PRH1: variants seen among roughly 807,000 people sequenced by gnomAD.
PRH1 encodes the protein salivary acidic proline-rich phosphoprotein 1/2.
In PRH1, 7 loss-of-function variants were observed where a neutral mutation model predicts 7.9. The observed-to-expected ratio is 0.89, with a 90% CI of 0.50 to 1.67. The LOEUF (loss-of-function observed/expected upper bound fraction) is 1.67. Among genes scored for constraint, PRH1 ranks in the 40% most tolerant of loss-of-function variants. The pLI, the probability that PRH1 is intolerant of heterozygous loss-of-function variation, is 0.00. For missense variants in PRH1, 109 were observed against 223.6 expected, an observed-to-expected ratio of 0.49 and a Z score of 3.27; for synonymous variants, 45 against 80.8, an observed-to-expected ratio of 0.56 and a Z score of 2.38.
intron 1 of PRH1, among the ~76,000 whole-genome samples, chr12:11,059,922 G>T (rs937799881): frequency 1.3e-5 from 2 of 151,958 alleles, no homozygotes; most frequent in South Asian, 4.1e-4. Flanking sequence ...TGGGTTCTAG[G>T]TCCTGGGAGT....
At chr12:11,025,697 ACC>A (rs1227324046) in intron 1 of PRH1, among the ~76,000 whole-genome samples, 4 of 152,274 alleles carry the variant, frequency 2.6e-5, no homozygotes, top group Non-Finnish European at 4.4e-5. Flanking sequence ...TCAATGTGTT[ACC>A]CTCTAGCTCT....
At chr12:11,044,055 G>A (rs1028761414) in intron 1 of PRH1, among the ~76,000 whole-genome samples, 17 of 152,054 alleles carry the variant, frequency 1.1e-4, no homozygotes, top group African/African-American at 4.1e-4. Flanking sequence ...TACAGAGGCT[G>A]TAGTAACCAA....
intron 2 of PRH1, among the ~76,000 whole-genome samples, chr12:10,934,883 T>A (rs1364132701): frequency 6.6e-6 from 1 of 152,194 alleles, no homozygotes; most frequent in Non-Finnish European, 1.5e-5. Flanking sequence ...CTCTTCACAA[T>A]TTGCTTATTA....
chr12:11,017,049 A>G (rs1446338696), intron 1 of PRH1, among the ~76,000 whole-genome samples: 1 of 152,232 alleles, frequency 6.6e-6, no homozygotes, highest in African/African-American at 2.4e-5. Context: ...ACTACTTACA[A>G]ATGCTCTCTA....
At chr12:10,908,542 T>C (rs1255346156) in intron 2 of PRH1, 2 of 1,613,876 alleles carry the variant, frequency 1.2e-6, no homozygotes, top group Admixed American at 3.3e-5. Flanking sequence ...AGCTCAGAAA[T>C]CCATGATATG....
In PRH1 at chr12:11,044,502, A is replaced by G. The variant is rs1942836741; in HGVS notation, c.-126+2518T>C. Among the ~76,000 whole-genome samples the G allele has an allele frequency of 2.0e-5, 3 of 152,142 alleles. No homozygotes were observed. The South Asian group carries it at 6.2e-4, about 32-fold the overall frequency. On this transcript the variant is annotated intron_variant, in intron 1 of 3. Coordinates refer to the PRH1 transcript ENST00000539853. Reference sequence around the variant, plus strand: ...AGGGTACAATCAACAAAGTAAAGAGACAACCCACAGAATGGGAGAAAATAT... The same window carrying G: ...AGGGTACAATCAACAAAGTAAAGAGGCAACCCACAGAATGGGAGAAAATAT...
At chr12:11,112,601 C>T (rs1945620521) in intron 1 of PRH1, among the ~76,000 whole-genome samples, 1 of 152,198 alleles carries the variant, frequency 6.6e-6, no homozygotes, top group Non-Finnish European at 1.5e-5. Flanking sequence ...TAAAATTCAA[C>T]ATGCCTTCAT....
At chr12:10,883,974 A>C (rs962301651) in intron 1 of PRH1, among the ~76,000 whole-genome samples, 180 bp downstream of exon 1, 6 of 152,168 alleles carry the variant, frequency 3.9e-5, no homozygotes, top group Non-Finnish European at 5.9e-5. Flanking sequence ...TTGTGCAACA[A>C]ATAAACTATG....
intron 1 of PRH1, chr12:10,997,021 C>T (rs147105554): frequency 3.8e-5 from 62 of 1,613,870 alleles, no homozygotes; most frequent in Non-Finnish European, 4.8e-5. Flanking sequence ...TCTGCTTTAG[C>T]GTCTTGTTCC....
intron 1 of PRH1, among the ~76,000 whole-genome samples, chr12:11,123,325 G>A (rs1350032557): frequency 9.8e-6 from 1 of 101,720 alleles, no homozygotes; most frequent in African/African-American, 2.9e-5. Context: ...CAATTCCTTT[G>A]TGTATATATA....
chr12:11,105,847 C>G (rs2443739), intron 1 of PRH1, among the ~76,000 whole-genome samples: 68,966 of 151,406 alleles, frequency 0.46, 16,560 homozygotes, highest in Non-Finnish European at 0.53. Flanking sequence ...ACTTTTCCTA[C>G]CAAAAGGATT....
chr12:11,021,639 A>C (rs773874282), intron 1 of PRH1: 1 of 1,571,872 alleles, frequency 6.4e-7, no homozygotes, highest in Admixed American at 1.8e-5. Flanking sequence ...TCCCCTTGTG[A>C]ATCTATGGAG....
chr12:11,072,853 T>C (rs76583705), intron 1 of PRH1, among the ~76,000 whole-genome samples: 59,603 of 117,412 alleles, frequency 0.51, 11,713 homozygotes, highest in Non-Finnish European at 0.6. Flanking sequence ...AGAACGAAAG[T>C]GCTGCTTCAC....
At chr12:10,952,536 T>C (rs1383348896) in intron 2 of PRH1, among the ~76,000 whole-genome samples, 1 of 152,218 alleles carries the variant, frequency 6.6e-6, no homozygotes, top group Non-Finnish European at 1.5e-5. Context: ...ACTGCAAGTT[T>C]ACTGGACTAA....
At chr12:11,088,871 G>A (rs1353889498) in intron 1 of PRH1, among the ~76,000 whole-genome samples, 1 of 110,664 alleles carries the variant, frequency 9.0e-6, no homozygotes, top group Non-Finnish European at 2.2e-5. Context: ...GTAGGAGACA[G>A]GAGAGCAAAT....
At chr12:11,150,051 C>CA (rs1280865089) in intron 1 of PRH1, among the ~76,000 whole-genome samples, 1 of 140,474 alleles carries the variant, frequency 7.1e-6, no homozygotes, top group Non-Finnish European at 1.6e-5. Context: ...TTTATGCAGC[C>CA]AAAAAACACA....
chr12:11,007,756 A>G (rs1267572518), intron 1 of PRH1, among the ~76,000 whole-genome samples: 3 of 152,030 alleles, frequency 2.0e-5, no homozygotes, highest in Non-Finnish European at 4.4e-5. Flanking sequence ...TCCCCACACT[A>G]GTACACCATT....
intron 1 of PRH1, chr12:11,134,521 T>C (rs1946489605): frequency 2.6e-6 from 1 of 382,070 alleles, no homozygotes; most frequent in Non-Finnish European, 4.6e-6. Context: ...AGGCTGGAAT[T>C]ATTCATACTG....
chr12:10,944,987 G>A (rs886571967), intron 2 of PRH1, among the ~76,000 whole-genome samples: 5 of 151,930 alleles, frequency 3.3e-5, no homozygotes, highest in African/African-American at 4.8e-5. Flanking sequence ...TTTTTGCATC[G>A]ATGTCCATCA....
Sources: allele counts gnomAD v4.1 joint callset (sites outside exome capture counted in the v4.1 genomes callset), GRCh38; gene constraint gnomAD v4.1.1; transcripts MANE v1.5; gene names NCBI Gene and HGNC (gene_info 2026-07-23, HGNC 2026-07-21).